The following CLSTN2 variants were observed in gnomAD, a reference collection of about 807,000 sequenced individuals.
The protein encoded by CLSTN2 is calsyntenin 2, also known as calsyntenin-2.
Under a neutral mutation model 101.2 loss-of-function variants are expected in CLSTN2, and 48 were observed. The ratio of observed to expected loss-of-function variants is 0.47; its 90% CI spans 0.38 to 0.60. The LOEUF is 0.60. Ranked by LOEUF, CLSTN2 falls within the 20% of genes least tolerant of loss-of-function variation. The probability of loss-of-function intolerance (pLI) is 0.00; values close to 1 mark genes in which losing one functional copy is unlikely to be tolerated. For synonymous variants in CLSTN2, 481 were observed against 463.6 expected, an observed-to-expected ratio of 1.04 and a Z score of -0.48; for missense variants, 1,160 against 1,238.2, an observed-to-expected ratio of 0.94 and a Z score of 0.95.
intron 1 of CLSTN2, among the ~76,000 whole-genome samples, chr3:139,968,819 GA>G (rs1464495298): frequency 6.6e-6 from 1 of 152,140 alleles, no homozygotes; most frequent in Non-Finnish European, 1.5e-5. Context: ...AAACTCAAAT[GA>G]AAAGTTATTG....
At chr3:140,266,213 T>C (rs1405935098) in intron 2 of CLSTN2, among the ~76,000 whole-genome samples, 1 of 152,150 alleles carries the variant, frequency 6.6e-6, no homozygotes, top group East Asian at 1.9e-4. Context: ...GGAGAGAAGA[T>C]GCTATACCTT....
intron 1 of CLSTN2, among the ~76,000 whole-genome samples, chr3:140,080,022 G>C (rs1297507169): frequency 6.6e-6 from 1 of 152,156 alleles, no homozygotes; most frequent in Non-Finnish European, 1.5e-5. Context: ...AGTCATATGA[G>C]GCATTTTATT....
chr3:140,425,752 G>A (rs1238349580), intron 5 of CLSTN2, among the ~76,000 whole-genome samples: 1 of 152,174 alleles, frequency 6.6e-6, no homozygotes, highest in Admixed American at 6.5e-5. Context: ...CATACATTTT[G>A]CTCTTATGTG....
intron 5 of CLSTN2, among the ~76,000 whole-genome samples, chr3:140,427,244 T>TACATATATATATATATATATATATATAC (rs2088582496): frequency 5.5e-5 from 7 of 127,548 alleles, no homozygotes; most frequent in African/African-American, 2.4e-4. Context: ...TATATATATA[T>TACATATATATATATATATATATATATAC]ACATATATAT....
At chr3:140,169,209 A>G (rs1462048273) in intron 1 of CLSTN2, among the ~76,000 whole-genome samples, 1 of 152,008 alleles carries the variant, frequency 6.6e-6, no homozygotes, top group Non-Finnish European at 1.5e-5. Context: ...ACTTTTGCAT[A>G]TATTTTCTGA....
intron 2 of CLSTN2, among the ~76,000 whole-genome samples, chr3:140,335,835 C>T (rs1559842137): frequency 6.6e-6 from 1 of 152,274 alleles, no homozygotes; most frequent in East Asian, 1.9e-4. Flanking sequence ...AATGAACTAA[C>T]AAAAGCCTTG....
chr3:140,441,668 G>A (rs533206367), intron 5 of CLSTN2, among the ~76,000 whole-genome samples: 3 of 152,318 alleles, frequency 2.0e-5, no homozygotes, highest in East Asian at 1.9e-4. Context: ...CCTACCCACC[G>A]TTGGGTCCTG....
chr3:140,515,944 C>G (rs1934908825), intron 8 of CLSTN2, among the ~76,000 whole-genome samples: 1 of 152,020 alleles, frequency 6.6e-6, no homozygotes, highest in African/African-American at 2.4e-5. Flanking sequence ...ATATTAAAGC[C>G]CCCACTATTA....
At position 140,071,346 on chromosome 3, in the gene CLSTN2, CT is replaced by C. The variant is rs375803428; in HGVS notation, c.110-104604del. Among the ~76,000 whole-genome samples, 402 of 151,538 alleles carry C rather than the reference CT, an allele frequency of 2.7e-3. 1 individual carries two copies. Among genetic ancestry groups the C allele is most frequent in the African/African-American group, 8.5e-3 (353 of 41,300 alleles). On this transcript the variant is annotated intron_variant, in intron 1 of 16. Coordinates refer to ENST00000458420, the MANE Select transcript of CLSTN2 (RefSeq NM_022131.3). Reference sequence around the variant, plus strand: ...AAAAGGAGGGTTGATGTATTTTATTCTAAAAAAAAAATCCTGTTCAATACCT... The same window carrying C: ...AAAAGGAGGGTTGATGTATTTTATTCAAAAAAAAAATCCTGTTCAATACCT...
intron 2 of CLSTN2, among the ~76,000 whole-genome samples, chr3:140,199,291 G>A (rs771472753): frequency 1.3e-5 from 2 of 152,200 alleles, no homozygotes; most frequent in Non-Finnish European, 1.5e-5. Flanking sequence ...TGGTGAATAT[G>A]TAGGCTTTCT....
chr3:140,184,177 A>C (rs2010452005), intron 2 of CLSTN2, among the ~76,000 whole-genome samples: 1 of 152,198 alleles, frequency 6.6e-6, no homozygotes, highest in Admixed American at 6.5e-5. Flanking sequence ...GGCTACCCTG[A>C]GCTTATTCCT....
At chr3:140,200,056 G>A (rs2010698516) in intron 2 of CLSTN2, among the ~76,000 whole-genome samples, 1 of 152,124 alleles carries the variant, frequency 6.6e-6, no homozygotes, top group African/African-American at 2.4e-5. Flanking sequence ...CTTTAGTCCA[G>A]GCATGAAGGC....
rs192192790 is a variant in CLSTN2 at position 139,935,772 on chromosome 3, C to T, written c.109+289C>T. Reference sequence around the variant, plus strand: ...GGCTGTCTGTGCCGGGGTGGGAGCGCAGTGGGTGAGTTTCGAGCTCTGGCC... The same window carrying T: ...GGCTGTCTGTGCCGGGGTGGGAGCGTAGTGGGTGAGTTTCGAGCTCTGGCC... On this transcript the variant is annotated intron_variant, in intron 1 of 16. Transcript: ENST00000458420. This position sits in a 1 kb window ranked among gnomAD's most constrained non-coding sequence, Gnocchi z 5.5. 2.7e-4 allele frequency among the ~76,000 whole-genome samples: 41 copies of T among 152,072 alleles called. No homozygotes were observed. Among genetic ancestry groups the T allele is most frequent in the African/African-American group, 9.6e-4 (40 of 41,492 alleles).
At chr3:140,222,821 G>T (rs2086285811) in intron 2 of CLSTN2, among the ~76,000 whole-genome samples, 1 of 144,232 alleles carries the variant, frequency 6.9e-6, no homozygotes, top group South Asian at 2.3e-4. Flanking sequence ...CATGTGACCT[G>T]TAAATATAGA....
intron 4 of CLSTN2, among the ~76,000 whole-genome samples, chr3:140,420,020 G>T (rs2088483110): frequency 6.7e-6 from 1 of 149,528 alleles, no homozygotes; most frequent in Non-Finnish European, 1.5e-5. Context: ...AGCCTCCTGA[G>T]TAGCCGGGAG....
At chr3:140,207,223 C>T (rs180928107) in intron 2 of CLSTN2, among the ~76,000 whole-genome samples, 22 of 152,270 alleles carry the variant, frequency 1.4e-4, no homozygotes, top group Non-Finnish European at 2.6e-4. Context: ...CCCATGAAGT[C>T]GTTCTGAGAA....
intron 1 of CLSTN2, among the ~76,000 whole-genome samples, chr3:140,099,260 T>C (rs2008925609): frequency 6.6e-6 from 1 of 152,184 alleles, no homozygotes; most frequent in South Asian, 2.1e-4. Context: ...GATTCTGTGC[T>C]CTCAACTCTG....
intron 1 of CLSTN2, among the ~76,000 whole-genome samples, chr3:140,159,315 A>C (rs911806132): frequency 6.6e-6 from 1 of 152,176 alleles, no homozygotes; most frequent in Non-Finnish European, 1.5e-5. Context: ...TAAGGAACTT[A>C]ATAATTTAAC....
Position 140,558,749 on chromosome 3 carries a change from A to G in CLSTN2, c.1933A>G (p.Arg645Gly), listed in dbSNP as rs1445260823. 1 of 1,614,088 alleles carries G rather than the reference A, an allele frequency of 6.2e-7. No individual in the cohort carries two copies. The highest frequency in any genetic ancestry group is 1.7e-5 in the Admixed American group (1 of 60,014). ...CCTCCGGGGCACAGACCACTTCTGG[A>G]GACCTGCTGCCCAGTTTGAAAGTGC... ...ITLRGTDHFWRPAAQFESARG... is the reference protein window; with the variant it reads ...ITLRGTDHFWGPAAQFESARG... The change falls in exon 12 of 17, where the codon AGA becomes GGA. Residue 645 changes from arginine (R) to glycine (G), a missense_variant. By Grantham distance (125) the Arg-to-Gly change is moderately radical (BLOSUM62 -2). Coordinates refer to ENST00000458420, the MANE Select transcript of CLSTN2 (RefSeq NM_022131.3).
Sources: allele counts gnomAD v4.1 joint callset (sites outside exome capture counted in the v4.1 genomes callset), GRCh38; gene constraint gnomAD v4.1.1; non-coding constraint Gnocchi (gnomAD v3.1); transcripts MANE v1.5; gene names NCBI Gene and HGNC (gene_info 2026-07-23, HGNC 2026-07-21).